The following CYP4F3 variants were observed in gnomAD, a reference collection of about 807,000 sequenced individuals.
CYP4F3 encodes cytochrome P450 4F3.
CYP4F3 carries 50 observed loss-of-function variants against 54.8 expected under a neutral mutation model. The observed-to-expected ratio is 0.91, with a 90% CI of 0.73 to 1.16. The LOEUF (loss-of-function observed/expected upper bound fraction) is 1.16, where lower values mean the gene tolerates loss of function less well. Ranked by LOEUF, CYP4F3 falls within the 50% of genes most tolerant of loss-of-function variation. CYP4F3 has a pLI of 0.00. For synonymous variants in CYP4F3, 244 were observed against 262.6 expected (o/e 0.93, Z 0.69); for missense variants, 715 against 676.2 (o/e 1.06, Z -0.64).
In CYP4F3 at chr19:15,658,770, G is replaced by A; in HGVS notation, c.1358G>A (p.Arg453Lys). 1.2e-6 allele frequency: 2 copies of A among 1,614,154 alleles called. No individual in the cohort carries two copies. The highest frequency in any genetic ancestry group is 2.2e-5 in the East Asian group (1 of 44,864). The change falls in exon 12 of 13, where the codon AGG (arginine) becomes AAG (lysine). Residue 453 changes from arginine (R) to lysine (K), a missense_variant. Physicochemically the swap from Arg to Lys is conservative, Grantham distance 26 (BLOSUM62 2). Coordinates refer to ENST00000221307, the MANE Select transcript of CYP4F3 (RefSeq NM_000896.3). ...TTTGACCCAAAGAACATCAAGGAGA[G>A]GTCACCTCTGGCTTTTATTCCCTTC... ...FRFDPKNIKE[R>K]SPLAFIPFSA...
In CYP4F3 at chr19:15,662,262, TTC is replaced by T. The variant is rs201452610; in HGVS notation, c.*2886_*2887del. ...CTCCAGCCTGGGTGAAAGAGCTAGA[TTC>T]TCTCTCTCAAAAAAAAAAAAAAAAA... On this transcript the variant is annotated 3_prime_UTR_variant, in exon 13 of 13. Transcript: ENST00000221307. 0.3 allele frequency: 22,158 copies of T among 73,196 alleles called. 4,255 individuals carry two copies. The highest frequency in any genetic ancestry group is 0.54 in the East Asian group (1,663 of 3,102). 4.5% of individuals were successfully genotyped at this position (73,196 alleles called of 1,614,324 possible).
rs778950884 is a variant in CYP4F3, at chr19:15,641,508, G to A, written c.93G>A (p.Leu31=). ...LLLLVGASWL[L]ARILAWTYTF... ...TGCTGGTTGGGGCCTCCTGGCTCCT[G>A]GCCCGCATCCTGGCCTGGACCTATA... The change falls in exon 2 of 13, where the codon CTG becomes CTA. Residue 31 remains leucine, a synonymous_variant. Coordinates refer to ENST00000221307, the MANE Select transcript of CYP4F3 (RefSeq NM_000896.3). 8 of 1,614,026 alleles carry A rather than the reference G, an allele frequency of 5.0e-6. No homozygotes were observed. In the African/African-American group the frequency reaches 1.1e-4, roughly 22 times the overall value.
intron 8 of CYP4F3, 56 bp from the exon 9 acceptor site, chr19:15,652,767 A>C (rs2733750): frequency 0.23 from 374,876 of 1,599,844 alleles, 45,176 homozygotes; most frequent in Middle Eastern, 0.27. Context: ...AGGTTGCTGT[A>C]CACCCTCGGG....
intron 3 of CYP4F3, 110 bp downstream of exon 3, chr19:15,645,973 A>T: frequency 7.2e-7 from 1 of 1,390,468 alleles, no homozygotes; most frequent in Non-Finnish European, 9.5e-7. Flanking sequence ...TGCAGACAGG[A>T]GGGGCTGTGG....
At chr19:15,650,696 C>CTTTCTTT (rs1568397676) in intron 7 of CYP4F3, among the ~76,000 whole-genome samples, 2 of 73,664 alleles carry the variant, frequency 2.7e-5, no homozygotes, top group East Asian at 1.1e-3. Context: ...TTCTTTCTTT[C>CTTTCTTT]TTTCTTTCTT....
At position 15,647,056 on chromosome 19, in the gene CYP4F3, CA is replaced by C; in HGVS notation, c.349del (p.Ile117LeufsTer12). 1 of 1,614,200 alleles carries C rather than the reference CA, an allele frequency of 6.2e-7. No individual in the cohort carries two copies. The highest frequency in any genetic ancestry group is 8.5e-7 in the Non-Finnish European group (1 of 1,180,022). On this transcript the variant is annotated frameshift_variant, in exon 4 of 13. Transcript: ENST00000221307. LOFTEE classifies it high-confidence loss of function. ...GATTGTCCTCATTTATGTCAGCTGC[CA>C]TTGTACCAAAGGACAAGGTCTTCTA... ...IKPVLFAPAA[I>X]VPKDKVFYSF...
chr19:15,651,752 T>A (rs897727566), intron 7 of CYP4F3, among the ~76,000 whole-genome samples: 2 of 152,186 alleles, frequency 1.3e-5, no homozygotes, highest in African/African-American at 2.4e-5. Context: ...TATGTTTATG[T>A]GTATTTGTGT....
rs1285002703 is a variant in CYP4F3, at chr19:15,661,476, A to AT, written c.*2095dup. 7 of 152,176 alleles carry AT rather than the reference A, an allele frequency of 4.6e-5. No homozygotes were observed. The highest frequency in any genetic ancestry group is 8.8e-5 in the Non-Finnish European group (6 of 68,032). 9.4% of individuals were successfully genotyped at this position (152,176 alleles called of 1,614,324 possible). A position where few individuals can be genotyped will look rare whatever the true frequency, so the allele number is the denominator to read the frequency against. On this transcript the variant is annotated 3_prime_UTR_variant, in exon 13 of 13. Transcript: ENST00000221307. Reference sequence around the variant, plus strand: ...GGGTATGCTGTGGCATATCCCTGAGATTTTAATTCGCATTTTCCAGTGACT... The same window carrying AT: ...GGGTATGCTGTGGCATATCCCTGAGATTTTTAATTCGCATTTTCCAGTGACT...
At chr19:15,645,910 C>T in intron 3 of CYP4F3, 47 bp downstream of exon 3, 1 of 1,526,758 alleles carries the variant, frequency 6.5e-7, no homozygotes, top group Non-Finnish European at 8.9e-7. Flanking sequence ...ACTGGCCACG[C>T]CTTGCCCACA....
chr19:15,648,618 A>G (rs566633458), intron 5 of CYP4F3, among the ~76,000 whole-genome samples: 1 of 152,278 alleles, frequency 6.6e-6, no homozygotes, highest in Non-Finnish European at 1.5e-5. Flanking sequence ...TTTATTGAGA[A>G]CTCACAATAT....
rs1287420703 is a variant in CYP4F3 at position 15,640,899 on chromosome 19, A to AAGAAGG, written c.-47_-42dup. 2 of 153,674 alleles carry AAGAAGG rather than the reference A, an allele frequency of 1.3e-5. No homozygotes were observed. The highest frequency in any genetic ancestry group is 2.9e-5 in the Non-Finnish European group (2 of 68,908). The allele number at this position is 153,674 out of a possible 1,614,324, so 9.5% of individuals were successfully genotyped here. On this transcript the variant is annotated 5_prime_UTR_variant, in exon 1 of 13. Transcript: ENST00000221307. ...GGGGCCAGGGGAAAAAACCTCCCAG[A>AAGAAGG]AGAAGGGGAGAGGAGGTTGTGTGGG...
rs866743325 is a variant in CYP4F3, at chr19:15,645,829, C to A, written c.309C>A (p.His103Gln). 6 of 1,613,172 alleles carry A rather than the reference C, an allele frequency of 3.7e-6. No individual in the cohort carries two copies. The Admixed American group carries it at 1.0e-4, about 27-fold the overall frequency. The part of the protein sequence containing the change: ...GPWHAIVRIF[H>Q]PTYIKPVLFA... ...GGCACGCAATCGTCCGCATCTTCCA[C>A]CCCACCTACATCAAGCCTGTGCTCT... is the stretch of plus-strand genomic sequence containing the variant. The change falls in exon 3 of 13, where the codon CAC (histidine) becomes CAA (glutamine). Residue 103 changes from histidine to glutamine, a missense_variant. Transcript: ENST00000221307.
At chr19:15,653,984 C>T (rs1972946101) in intron 9 of CYP4F3, among the ~76,000 whole-genome samples, 1 of 152,136 alleles carries the variant, frequency 6.6e-6, no homozygotes, top group Admixed American at 6.5e-5. Flanking sequence ...CATCTGGGTA[C>T]CAGGAAGATC....
chr19:15,661,604 G>A lies in CYP4F3; in HGVS notation c.*2219G>A, dbSNP rs7258240. On this transcript the variant is annotated 3_prime_UTR_variant, in exon 13 of 13. Transcript: ENST00000221307. Reference sequence around the variant, plus strand: ...CATCTGCTCATTAAATTTTCCTTCGGTTGTTTGCCTTCTTATTGTTGGATT... The same window carrying A: ...CATCTGCTCATTAAATTTTCCTTCGATTGTTTGCCTTCTTATTGTTGGATT... 0.45 allele frequency: 68,214 copies of A among 151,906 alleles called. 15,787 individuals carry two copies. Among genetic ancestry groups the A allele is most frequent in the East Asian group, 0.54 (2,761 of 5,156 alleles). The allele number at this position is 151,906 out of a possible 1,614,324, so 9.4% of individuals were successfully genotyped here.
rs144671668 is a variant in CYP4F3 at position 15,641,439 on chromosome 19, G to T, written c.24G>T (p.Ser8=). The T allele has an allele frequency of 4.3e-6, 7 of 1,614,036 alleles. No homozygotes were observed. The highest frequency in any genetic ancestry group is 1.1e-5 in the South Asian group (1 of 91,082). ...GGATGCCACAGCTGAGCCTGTCCTC[G>T]CTGGGCCTTTGGCCAATGGCAGCAT... MPQLSLS[S]LGLWPMAASP... Residue 8 remains serine (S), a synonymous_variant, in exon 2 of 13, where the codon TCG becomes TCT. Coordinates refer to ENST00000221307, the MANE Select transcript of CYP4F3 (RefSeq NM_000896.3).
chr19:15,648,305 G>A (rs755934177), intron 5 of CYP4F3, among the ~76,000 whole-genome samples: 147 of 151,996 alleles, frequency 9.7e-4, no homozygotes, highest in Non-Finnish European at 1.9e-3. Context: ...CAAATCCCAT[G>A]GGCTGACACA....
At chr19:15,650,684 CTT>C (rs1410713104) in intron 7 of CYP4F3, among the ~76,000 whole-genome samples, 4 of 70,068 alleles carry the variant, frequency 5.7e-5, no homozygotes, top group African/African-American at 2.3e-4. Context: ...TTCTTTCTTT[CTT>C]TCTTTCTTTC....
Position 15,649,901 on chromosome 19 carries a change from C to A in CYP4F3, c.648-12C>A. 6.2e-7 allele frequency: 1 copy of A among 1,612,724 alleles called. No homozygotes were observed. Among genetic ancestry groups the A allele is most frequent in the African/African-American group, 1.3e-5 (1 of 74,946 alleles). On this transcript the variant is annotated splice_polypyrimidine_tract_variant and intron_variant, in intron 6 of 12. Transcript: ENST00000221307. ...TTAAATTGTTGCCTCCCTTTCTGCCCTTATCCTGCAGGAAGCCCAGTGAAT... is the reference window on the plus strand; with the variant it reads ...TTAAATTGTTGCCTCCCTTTCTGCCATTATCCTGCAGGAAGCCCAGTGAAT...
intron 9 of CYP4F3, among the ~76,000 whole-genome samples, chr19:15,654,773 T>A (rs1245184329): frequency 6.6e-6 from 1 of 152,230 alleles, no homozygotes; most frequent in South Asian, 2.1e-4. Context: ...GACACTTAAG[T>A]TGATTCCATA....
Sources: allele counts gnomAD v4.1 joint callset (sites outside exome capture counted in the v4.1 genomes callset), GRCh38; gene constraint gnomAD v4.1.1; transcripts MANE v1.5; gene names NCBI Gene and HGNC (gene_info 2026-07-23, HGNC 2026-07-21).